The following OTOGL variants were observed in gnomAD, a reference collection of about 807,000 sequenced individuals.
OTOGL encodes the protein otogelin-like protein.
In OTOGL, 285 loss-of-function variants were observed where a neutral mutation model predicts 318.5. The ratio of observed to expected loss-of-function variants is 0.89; its 90% CI spans 0.81 to 0.99. The LOEUF (loss-of-function observed/expected upper bound fraction) is 0.99, where lower values mean the gene tolerates loss of function less well. Ranked by LOEUF, OTOGL falls within the 50% of genes least tolerant of loss-of-function variation. The pLI, the probability that OTOGL is intolerant of heterozygous loss-of-function variation, is 0.00. For missense variants in OTOGL, 2,899 were observed against 2,845.6 expected, an observed-to-expected ratio of 1.02 and a Z score of -0.43; for synonymous variants, 987 against 936.5, an observed-to-expected ratio of 1.05 and a Z score of -0.99.
chr12:80,231,972 A>G (rs1879408570), intron 8 of OTOGL, among the ~76,000 whole-genome samples: 2 of 151,900 alleles, frequency 1.3e-5, no homozygotes, highest in African/African-American at 2.4e-5. Context: ...GTTTTTTCCA[A>G]TTTCTGTAAT....
chr12:80,190,749 T>C (rs968286994), intron 1 of OTOGL, among the ~76,000 whole-genome samples: 2 of 124,654 alleles, frequency 1.6e-5, no homozygotes, highest in African/African-American at 6.5e-5. Context: ...ATAGCGCCAC[T>C]GCAGTCCAGC....
intron 6 of OTOGL, among the ~76,000 whole-genome samples, 190 bp downstream of exon 6, chr12:80,220,102 A>C (rs10778720): frequency 1.1e-4 from 16 of 151,902 alleles, no homozygotes; most frequent in Admixed American, 4.6e-4. Context: ...TTCCCTTCTC[A>C]TTGAGCTCTC....
At chr12:80,229,417 A>T (rs1342481681) in intron 8 of OTOGL, 39 bp downstream of exon 8, 2 of 1,560,184 alleles carry the variant, frequency 1.3e-6, no homozygotes, top group Admixed American at 3.4e-5. Flanking sequence ...GTAACACCAC[A>T]AATTAATAGA....
chr12:80,279,243 A>G, intron 26 of OTOGL, 77 bp downstream of exon 26: 2 of 1,337,224 alleles, frequency 1.5e-6, no homozygotes, highest in Non-Finnish European at 2.0e-6. Flanking sequence ...GGTCCCTGAT[A>G]TATCAAATTC....
At position 80,328,698 on chromosome 12, in the gene OTOGL, T is replaced by C. The variant is rs1887865737; in HGVS notation, c.4233T>C (p.Asn1411=). The C allele has an allele frequency of 6.2e-7, 1 of 1,607,212 alleles. No individual in the cohort carries two copies. Among genetic ancestry groups the C allele is most frequent in the Non-Finnish European group, 8.5e-7 (1 of 1,173,902 alleles). The change falls in exon 36 of 59, where the codon AAT becomes AAC. Residue 1411 remains asparagine (N), a synonymous_variant. Transcript: ENST00000547103. ...GATGCTTGCCCTACTGCCCTAAAAA[T>C]ATGATCCTTGATGAGGTCACCCTCA... ...VEGCLPYCPK[N]MILDEVTLKC...
intron 57 of OTOGL, among the ~76,000 whole-genome samples, chr12:80,375,035 T>C (rs1891101711): frequency 6.6e-6 from 1 of 152,114 alleles, no homozygotes; most frequent in African/African-American, 2.4e-5. Context: ...CTCTGCTAAG[T>C]TCTTTGAAGT....
rs548905565 is a variant in OTOGL at position 80,336,738 on chromosome 12, G to A, written c.4744-59G>A. 62 of 1,452,014 alleles carry A rather than the reference G, an allele frequency of 4.3e-5. No homozygotes were observed. The South Asian group carries it at 4.8e-4, about 11-fold the overall frequency. The allele number at this position is 1,452,014 out of a possible 1,614,324, so 89.9% of individuals were successfully genotyped here. The stretch of plus-strand genomic sequence containing the variant: ...AATCTATTTAGAGGCATATAAATCC[G>A]AATAATGTTTTAAAAAGTCAAATAA... On this transcript the variant is annotated intron_variant, in intron 40 of 58. Coordinates refer to ENST00000547103, the MANE Select transcript of OTOGL (RefSeq NM_001378609.3).
At chr12:80,172,365 C>T (rs1370945786) in intron 1 of OTOGL, among the ~76,000 whole-genome samples, 1 of 152,200 alleles carries the variant, frequency 6.6e-6, no homozygotes, top group Non-Finnish European at 1.5e-5. Flanking sequence ...AGCTCCAAGT[C>T]CTTGATGTCC....
intron 2 of OTOGL, 51 bp downstream of exon 2, chr12:80,209,561 C>A: frequency 8.0e-7 from 1 of 1,255,238 alleles, no homozygotes; most frequent in South Asian, 1.4e-5. Flanking sequence ...TTTTGTTTCT[C>A]TTACAATTTA....
chr12:80,113,065 A>T (rs1396551137), intron 1 of OTOGL, among the ~76,000 whole-genome samples: 2 of 152,014 alleles, frequency 1.3e-5, no homozygotes, highest in Admixed American at 1.3e-4. Context: ...GTATTCCCTG[A>T]TGGTAGTTTG....
At chr12:80,366,968 A>G (rs1272052302) in intron 53 of OTOGL, among the ~76,000 whole-genome samples, 1 of 151,820 alleles carries the variant, frequency 6.6e-6, no homozygotes, top group Non-Finnish European at 1.5e-5. Context: ...CCATTATATT[A>G]GTATTATTAT....
intron 11 of OTOGL, among the ~76,000 whole-genome samples, chr12:80,249,220 C>T (rs1309408533): frequency 7.4e-5 from 11 of 148,854 alleles, no homozygotes; most frequent in Non-Finnish European, 1.6e-4. Flanking sequence ...AACTGCGTTC[C>T]TTTGGAGGAG....
intron 11 of OTOGL, among the ~76,000 whole-genome samples, chr12:80,243,713 C>T (rs183901863): frequency 7.9e-4 from 119 of 150,616 alleles, no homozygotes; most frequent in African/African-American, 2.9e-3. Flanking sequence ...AGTTTCTACA[C>T]CTAATTTGAA....
intron 1 of OTOGL, among the ~76,000 whole-genome samples, chr12:80,149,273 G>A (rs1165974310): frequency 6.6e-6 from 1 of 151,868 alleles, no homozygotes; most frequent in Non-Finnish European, 1.5e-5. Flanking sequence ...CCTTCTAACA[G>A]ACAGGACCCT....
At chr12:80,146,624 G>C (rs1260527287) in intron 1 of OTOGL, among the ~76,000 whole-genome samples, 1 of 151,940 alleles carries the variant, frequency 6.6e-6, no homozygotes, top group Non-Finnish European at 1.5e-5. Context: ...AATAGTTTCA[G>C]AAGGAATGGT....
At chr12:80,296,986 T>G in intron 27 of OTOGL, 25 bp downstream of exon 27, 1 of 1,499,768 alleles carries the variant, frequency 6.7e-7, no homozygotes, top group Non-Finnish European at 9.0e-7. Flanking sequence ...TCTTTCAGGA[T>G]CATTTGAACT....
intron 1 of OTOGL, among the ~76,000 whole-genome samples, chr12:80,141,900 T>C (rs2400610): frequency 0.064 from 9,728 of 152,210 alleles, 986 homozygotes; most frequent in African/African-American, 0.22. Context: ...GAGGAAAGAC[T>C]ATTTAAGAGA....
In OTOGL at chr12:80,113,370, C is replaced by T. The variant is rs571752885; in HGVS notation, c.-20+13765C>T. Among the ~76,000 whole-genome samples, 15 of 152,238 alleles carry T rather than the reference C, an allele frequency of 9.9e-5. No individual in the cohort carries two copies. In the East Asian group the frequency reaches 2.5e-3, roughly 25 times the overall value. ...GGGTGTCAATTTTAGATCTTTCCTG[C>T]TTTCTCCTGTGGGCATTTAGTGCTA... On this transcript the variant is annotated intron_variant, in intron 1 of 58. Transcript: ENST00000547103.
chr12:80,121,115 G>A (rs1434431801), intron 1 of OTOGL, among the ~76,000 whole-genome samples: 1 of 152,138 alleles, frequency 6.6e-6, no homozygotes, highest in African/African-American at 2.4e-5. Context: ...TGAGGCCTCT[G>A]TTACAACTGC....
Sources: allele counts gnomAD v4.1 joint callset (sites outside exome capture counted in the v4.1 genomes callset), GRCh38; gene constraint gnomAD v4.1.1; transcripts MANE v1.5; gene names NCBI Gene and HGNC (gene_info 2026-07-23, HGNC 2026-07-21).